TTLL5: variants seen among roughly 807,000 people sequenced by gnomAD.
TTLL5 encodes the protein tubulin polyglutamylase TTLL5.
Under a neutral mutation model 168.4 loss-of-function variants are expected in TTLL5, and 132 were observed. The observed-to-expected ratio is 0.78, with a 90% CI of 0.68 to 0.91. The LOEUF is 0.91. Among genes scored for constraint, TTLL5 ranks in the 40% least tolerant of loss-of-function variants. The pLI is 0.00. For synonymous variants in TTLL5, 546 were observed against 558.6 expected (o/e 0.98, Z 0.32); for missense variants, 1,545 against 1,581.5 (o/e 0.98, Z 0.39).
intron 2 of TTLL5, among the ~76,000 whole-genome samples, chr14:75,667,751 G>GTTTTTTTTTTTTTTTTTTTTTTTTT (rs67181555): frequency 4.5e-5 from 4 of 89,082 alleles, no homozygotes; most frequent in Non-Finnish European, 6.1e-5. Context: ...ATCTTTTTAT[G>GTTTTTTTTTTTTTTTTTTTTTTTTT]TTTTTTTTTT....
chr14:75,871,310 T>C (rs1427217791), intron 29 of TTLL5, among the ~76,000 whole-genome samples: 1 of 152,142 alleles, frequency 6.6e-6, no homozygotes, highest in Non-Finnish European at 1.5e-5. Context: ...TGTAGTCTTA[T>C]CTCCATTCCA....
intron 31 of TTLL5, among the ~76,000 whole-genome samples, chr14:75,919,587 G>T (rs1185003933): frequency 6.6e-6 from 1 of 151,486 alleles, no homozygotes; most frequent in Non-Finnish European, 1.5e-5. Context: ...GCAAAACAGT[G>T]AAGTTGGACC....
chr14:75,673,544 C>T (rs138949322), intron 3 of TTLL5, among the ~76,000 whole-genome samples: 7 of 152,182 alleles, frequency 4.6e-5, no homozygotes, highest in East Asian at 1.9e-4. Context: ...CTCTTTTAAC[C>T]GGTTTCATTA....
Position 75,811,153 on chromosome 14 carries a change from A to AAGAGAG in TTLL5, c.3172-8850_3172-8849insAGAGAG, listed in dbSNP as rs759610326. On this transcript the variant is annotated intron_variant, in intron 27 of 31. Transcript: ENST00000298832. ...GTGGGGAAAGAGAGGGAATGAAAGA[A>AAGAGAG]AGAGTGTGTGTGTGTGTGTGTGTGT... Among the ~76,000 whole-genome samples the AAGAGAG allele has an allele frequency of 4.1e-3, 490 of 118,076 alleles. 3 individuals carry two copies. Among genetic ancestry groups the AAGAGAG allele is most frequent in the South Asian group, 7.9e-3 (25 of 3,184 alleles). The allele number at this position is 118,076 out of a possible 152,430, so 77.5% of individuals were successfully genotyped here.
intron 28 of TTLL5, among the ~76,000 whole-genome samples, chr14:75,853,047 A>T (rs952001773): frequency 1.3e-5 from 2 of 152,184 alleles, no homozygotes; most frequent in Non-Finnish European, 1.5e-5. Flanking sequence ...CAGAGCCTCC[A>T]CTGTGCAATT....
intron 30 of TTLL5, among the ~76,000 whole-genome samples, chr14:75,889,823 CT>C (rs2032301997): frequency 2.0e-5 from 1 of 50,260 alleles, no homozygotes. Flanking sequence ...GAGCGAGACT[CT>C]TAAAAAAAAA....
chr14:75,809,944 A>G (rs1053243684), intron 27 of TTLL5, among the ~76,000 whole-genome samples: 2 of 151,892 alleles, frequency 1.3e-5, no homozygotes, highest in African/African-American at 2.4e-5. Context: ...TATATGTCAC[A>G]TTTTTTTTAA....
At chr14:75,805,671 A>G (rs1286045516) in intron 27 of TTLL5, among the ~76,000 whole-genome samples, 1 of 152,196 alleles carries the variant, frequency 6.6e-6, no homozygotes, top group African/African-American at 2.4e-5. Flanking sequence ...TACTTGATGT[A>G]TTTTGAACAT....
chr14:75,878,399 C>A (rs1368171253), intron 29 of TTLL5, among the ~76,000 whole-genome samples: 1 of 152,148 alleles, frequency 6.6e-6, no homozygotes, highest in African/African-American at 2.4e-5. Flanking sequence ...TACCCTATGC[C>A]TATCCACCTC....
intron 12 of TTLL5, among the ~76,000 whole-genome samples, chr14:75,721,108 C>T (rs370483235): frequency 1.3e-5 from 2 of 152,158 alleles, no homozygotes; most frequent in Non-Finnish European, 2.9e-5. Flanking sequence ...GATGACTCCT[C>T]CTTTTTGTTT....
chr14:75,854,602 A>G (rs1299886684), intron 28 of TTLL5, among the ~76,000 whole-genome samples: 2 of 152,196 alleles, frequency 1.3e-5, no homozygotes, highest in Non-Finnish European at 2.9e-5. Context: ...GTTTTCTGAA[A>G]CGATTGCATC....
rs10658095 is a variant in TTLL5, at chr14:75,869,821, A to ATTTTTTTT, written c.3522+5968_3522+5975dup. Reference sequence around the variant, plus strand: ...CTTGCAATGTATACATTCAACAAGTATTTTTTTTTTTTTTTTGCGATGGAG... The same window carrying ATTTTTTTT: ...CTTGCAATGTATACATTCAACAAGTATTTTTTTTTTTTTTTTTTTTTTTTGCGATGGAG... On this transcript the variant is annotated intron_variant, in intron 29 of 31. Transcript: ENST00000298832. 5.2e-4 allele frequency among the ~76,000 whole-genome samples: 43 copies of ATTTTTTTT among 82,420 alleles called. 11 individuals carry two copies. The highest frequency in any genetic ancestry group is 1.2e-3 in the African/African-American group (25 of 20,018). 54.1% of individuals were successfully genotyped at this position (82,420 alleles called of 152,430 possible).
chr14:75,919,676 A>G (rs1447700840), intron 31 of TTLL5, among the ~76,000 whole-genome samples: 1 of 152,248 alleles, frequency 6.6e-6, no homozygotes, highest in Non-Finnish European at 1.5e-5. Context: ...TAAAATTCCT[A>G]GAAGAATACA....
intron 28 of TTLL5, among the ~76,000 whole-genome samples, chr14:75,821,462 C>G (rs1894827540): frequency 6.6e-6 from 1 of 152,164 alleles, no homozygotes; most frequent in Non-Finnish European, 1.5e-5. Context: ...AAATTCAGAG[C>G]CTTGTTTTTA....
intron 28 of TTLL5, among the ~76,000 whole-genome samples, chr14:75,833,261 C>T (rs1382453032): frequency 6.6e-6 from 1 of 152,192 alleles, no homozygotes; most frequent in Non-Finnish European, 1.5e-5. Context: ...AAGGCTGTTT[C>T]ATATTTCAAG....
chr14:75,729,040 G>A (rs1208450386), intron 12 of TTLL5, among the ~76,000 whole-genome samples: 1 of 152,188 alleles, frequency 6.6e-6, no homozygotes, highest in African/African-American at 2.4e-5. Context: ...AAGAAGTTCA[G>A]ACGTTAAGTG....
At chr14:75,747,844 C>CT (rs1361422288) in intron 17 of TTLL5, among the ~76,000 whole-genome samples, 2 of 152,164 alleles carry the variant, frequency 1.3e-5, no homozygotes, top group Non-Finnish European at 2.9e-5. Context: ...GCCTTGTGGA[C>CT]TTTCACCCTA....
At chr14:75,938,602 T>A (rs1166912575) in intron 31 of TTLL5, among the ~76,000 whole-genome samples, 1 of 152,224 alleles carries the variant, frequency 6.6e-6, no homozygotes, top group African/African-American at 2.4e-5. Context: ...ATTTGGCCCT[T>A]GTAGCAATCC....
chr14:75,812,964 C>T (rs1894143317), intron 27 of TTLL5, among the ~76,000 whole-genome samples: 2 of 152,082 alleles, frequency 1.3e-5, no homozygotes, highest in Admixed American at 6.5e-5. Flanking sequence ...AATTCTAAGT[C>T]GCAAGGCTCA....
Sources: gnomAD v4.1 joint callset for allele counts (sites outside exome capture counted in the v4.1 genomes callset) on GRCh38, gnomAD v4.1.1 for gene constraint, MANE v1.5 for transcripts, NCBI Gene and HGNC (gene_info 2026-07-23, HGNC 2026-07-21) for gene names.